The following ARSG variants were observed in gnomAD, a reference collection of about 807,000 sequenced individuals.
ARSG encodes the protein arylsulfatase G.
Under a neutral mutation model 50.5 loss-of-function variants are expected in ARSG, and 37 were observed. The ratio of observed to expected loss-of-function variants is 0.73; its 90% CI spans 0.56 to 0.96. ARSG has a LOEUF of 0.96. ARSG is among the 50% of genes least tolerant of loss of function. The probability of loss-of-function intolerance (pLI) is 0.00; values close to 1 mark genes in which losing one functional copy is unlikely to be tolerated. For synonymous variants in ARSG, 225 were observed against 254.6 expected (o/e 0.88, Z 1.11); for missense variants, 629 against 675.3 (o/e 0.93, Z 0.76).
intron 1 of ARSG, among the ~76,000 whole-genome samples, chr17:68,275,647 ATCTT>A (rs1225959740): frequency 6.6e-6 from 1 of 152,262 alleles, no homozygotes; most frequent in East Asian, 1.9e-4. Flanking sequence ...TTCATTTGTT[ATCTT>A]TCTAAGAAGG....
intron 1 of ARSG, among the ~76,000 whole-genome samples, chr17:68,278,668 G>T (rs1397149800): frequency 7.3e-6 from 1 of 137,404 alleles, no homozygotes; most frequent in Non-Finnish European, 1.5e-5. Flanking sequence ...TGCCCAGGCT[G>T]CAGTGTAGTT....
chr17:68,312,093 C>T (rs2076883055), intron 2 of ARSG, among the ~76,000 whole-genome samples: 1 of 152,182 alleles, frequency 6.6e-6, no homozygotes, highest in Non-Finnish European at 1.5e-5. Flanking sequence ...AGCCACCACG[C>T]CTGGCCTGTA....
At chr17:68,335,840 G>A (rs1401521267) in intron 2 of ARSG, among the ~76,000 whole-genome samples, 1 of 152,198 alleles carries the variant, frequency 6.6e-6, no homozygotes, top group East Asian at 1.9e-4. Flanking sequence ...TGGAAGCAAA[G>A]GAGGTGCAGG....
At chr17:68,426,252 G>GGGGGGGGT, downstream of ARSG, 7 of 828,186 alleles carry the variant, frequency 8.5e-6, 1 homozygote, top group South Asian at 2.7e-5. Flanking sequence ...TGGGGAGCGG[G>GGGGGGGGT]GGCTCAAATA....
intron 6 of ARSG, among the ~76,000 whole-genome samples, chr17:68,368,098 G>A (rs2079635716): frequency 6.6e-6 from 1 of 152,080 alleles, no homozygotes; most frequent in South Asian, 2.1e-4. Flanking sequence ...GGAATGAGAG[G>A]CTGAGAATGG....
At chr17:68,419,335 C>T (rs760309669) in intron 11 of ARSG, among the ~76,000 whole-genome samples, 22 of 152,016 alleles carry the variant, frequency 1.4e-4, no homozygotes, top group Admixed American at 3.3e-4. Flanking sequence ...CCGAAGTGGG[C>T]AGATCATGAG....
intron 2 of ARSG, among the ~76,000 whole-genome samples, chr17:68,324,924 TGCTTC>T (rs2077442913): frequency 6.6e-6 from 1 of 152,162 alleles, no homozygotes; most frequent in South Asian, 2.1e-4. Context: ...GAACATCCTG[TGCTTC>T]ATGTTTCCCA....
intron 2 of ARSG, 149 bp downstream of exon 2, chr17:68,307,860 A>G (rs1460110549): frequency 1.5e-5 from 9 of 602,664 alleles, no homozygotes; most frequent in Admixed American, 6.1e-5. Flanking sequence ...TGAAGCCAGC[A>G]TAGCATCGTG....
chr17:68,271,619 A>G lies in ARSG; in HGVS notation c.-552+12193A>G, dbSNP rs1235389722. ...AGTAGGCCCACGAAGAGGAGGCTGTATCTCCAGCCAATGCGCTCCTTCAGA... is the reference window on the plus strand; with the variant it reads ...AGTAGGCCCACGAAGAGGAGGCTGTGTCTCCAGCCAATGCGCTCCTTCAGA... On this transcript the variant is annotated intron_variant, in intron 1 of 11. Coordinates refer to the ARSG transcript ENST00000448504. This position sits in a 1 kb window ranked among gnomAD's most constrained non-coding sequence, Gnocchi z 5.3. The G allele has an allele frequency of 7.4e-6, 12 of 1,613,664 alleles. No individual in the cohort carries two copies. The highest frequency in any genetic ancestry group is 1.0e-5 in the Non-Finnish European group (12 of 1,179,628).
Position 68,420,434 on chromosome 17 carries a change from CA to C in ARSG, c.1552del (p.Ile518LeufsTer23), listed in dbSNP as rs1003813372. 5.0e-6 allele frequency: 8 copies of C among 1,614,086 alleles called. No individual in the cohort carries two copies. The highest frequency in any genetic ancestry group is 3.3e-5 in the Admixed American group (2 of 60,026). The stretch of plus-strand genomic sequence containing the variant: ...AGTAACTCCCTGCTGTAATCCCTAC[CA>C]AATTGCCTGCCGCTGTCAAGCCGCA... ...PSVTPCCNPY[Q>X]IACRCQAA On this transcript the variant is annotated frameshift_variant, in exon 12 of 12. Transcript: ENST00000621439. LOFTEE classifies it high-confidence loss of function.
the ARSG span, among the ~76,000 whole-genome samples, chr17:68,450,493 C>G: frequency 6.6e-6 from 1 of 152,216 alleles, no homozygotes; most frequent in African/African-American, 2.4e-5. Flanking sequence ...TGCAGCCTAC[C>G]AGTCAGGGAC....
chr17:68,394,932 C>A, intron 9 of ARSG, 141 bp from the exon 10 acceptor site: 2 of 1,201,450 alleles, frequency 1.7e-6, no homozygotes, highest in Non-Finnish European at 2.3e-6. Flanking sequence ...AAAGGAAAAA[C>A]AAGCAGGTAG....
chr17:68,315,324 T>C (rs1413170303), intron 2 of ARSG, among the ~76,000 whole-genome samples: 1 of 152,088 alleles, frequency 6.6e-6, no homozygotes, highest in Non-Finnish European at 1.5e-5. Flanking sequence ...GAAGGATTGC[T>C]TGAGCTCAGG....
intron 6 of ARSG, among the ~76,000 whole-genome samples, chr17:68,365,575 T>G (rs915028299): frequency 1.3e-5 from 2 of 152,186 alleles, no homozygotes; most frequent in Non-Finnish European, 2.9e-5. Flanking sequence ...GGTGCTAATG[T>G]GACTTTGATA....
Position 68,351,575 on chromosome 17 carries a change from G to A in ARSG, c.455G>A (p.Gly152Asp). 6.2e-7 allele frequency: 1 copy of A among 1,602,914 alleles called. No individual in the cohort carries two copies. Among genetic ancestry groups the A allele is most frequent in the Non-Finnish European group, 8.5e-7 (1 of 1,169,960 alleles). The change falls in exon 5 of 12, where the codon GGT becomes GAT. Residue 152 changes from glycine to aspartate, a missense_variant and splice_region_variant. Coordinates refer to ENST00000621439, the MANE Select transcript of ARSG (RefSeq NM_001267727.2). ...TGCTAACCGGTTGCTTCTATTCCAG[G>A]TTTTGATTACTACTTTGGAATCCCA... ...HHGSYHPNFR[G>D]FDYYFGIPYS...
intron 2 of ARSG, among the ~76,000 whole-genome samples, chr17:68,319,803 A>G (rs925641758): frequency 4.6e-5 from 7 of 152,182 alleles, no homozygotes; most frequent in Non-Finnish European, 8.8e-5. Flanking sequence ...GTGCTGTGAG[A>G]GTGGAGACTC....
chr17:68,269,992 CAG>C (rs560171012), intron 1 of ARSG, among the ~76,000 whole-genome samples: 8 of 152,160 alleles, frequency 5.3e-5, no homozygotes, highest in African/African-American at 1.7e-4. Context: ...TATCTTTTGA[CAG>C]GGGGTACGAT....
intron 2 of ARSG, 80 bp from the exon 3 acceptor site, chr17:68,343,524 G>A: frequency 7.6e-7 from 1 of 1,318,308 alleles, no homozygotes; most frequent in Non-Finnish European, 1.0e-6. Flanking sequence ...GAAATTGCAG[G>A]AACTGAGTGG....
intron 11 of ARSG, 26 bp downstream of exon 11, chr17:68,401,476 C>A: frequency 1.9e-6 from 3 of 1,605,386 alleles, no homozygotes; most frequent in Non-Finnish European, 2.6e-6. Flanking sequence ...CTTAGCCCTG[C>A]CTCCCACAGT....
Sources: allele counts gnomAD v4.1 joint callset (sites outside exome capture counted in the v4.1 genomes callset), GRCh38; gene constraint gnomAD v4.1.1; non-coding constraint Gnocchi (gnomAD v3.1); transcripts MANE v1.5; gene names NCBI Gene and HGNC (gene_info 2026-07-23, HGNC 2026-07-21).